The following FGF14 variants were observed in gnomAD, a reference collection of about 807,000 sequenced individuals.
The protein encoded by FGF14 is fibroblast growth factor 14, also known as fibroblast growth factor homologous factor 4.
FGF14 carries 5 observed loss-of-function variants against 25.5 expected under a neutral mutation model. The ratio of observed to expected loss-of-function variants is 0.20; its 90% CI spans 0.10 to 0.41. FGF14 has a LOEUF of 0.41. Among genes scored for constraint, FGF14 ranks in the 10% least tolerant of loss-of-function variants. The pLI is 1.00. For missense variants in FGF14, 222 were observed against 320.1 expected (o/e 0.69, Z 2.34); for synonymous variants, 138 against 118.3 (o/e 1.17, Z -1.08).
chr13:101,736,834 C>T (rs1226121012), intron 3 of FGF14, among the ~76,000 whole-genome samples: 1 of 151,580 alleles, frequency 6.6e-6, no homozygotes, highest in Non-Finnish European at 1.5e-5. Flanking sequence ...CTAATGCCAA[C>T]CTGAGTCTAC....
intron 1 of FGF14, among the ~76,000 whole-genome samples, chr13:101,950,681 TCAG>T (rs911355279): frequency 3.3e-5 from 5 of 151,864 alleles, no homozygotes; most frequent in Admixed American, 3.3e-4. Flanking sequence ...GCCTTTGCTC[TCAG>T]CAGGTTTTGC....
At chr13:101,742,364 A>T (rs1189226712) in intron 3 of FGF14, among the ~76,000 whole-genome samples, 1 of 152,214 alleles carries the variant, frequency 6.6e-6, no homozygotes, top group East Asian at 1.9e-4. Context: ...TCAAGAATGA[A>T]TGAACAAGAA....
intron 3 of FGF14, among the ~76,000 whole-genome samples, chr13:101,821,141 G>A (rs1286927364): frequency 1.3e-5 from 2 of 151,898 alleles, no homozygotes; most frequent in Non-Finnish European, 2.9e-5. Flanking sequence ...GTAGAGACAG[G>A]GTTTCACCGT....
chr13:101,952,689 G>A lies in FGF14; in HGVS notation c.209-77393C>T, dbSNP rs1430308793. ...CTGGCACCAAAATAAACTTCATCTG[G>A]ACTATTCCTAAACCACTTCTGATGA... On this transcript the variant is annotated intron_variant, in intron 1 of 4. Transcript: ENST00000376131. Among the ~76,000 whole-genome samples, 4 of 152,150 alleles carry A rather than the reference G, an allele frequency of 2.6e-5. No homozygotes were observed. The East Asian group carries it at 7.7e-4, about 29-fold the overall frequency.
rs145714821 is a variant in FGF14, at chr13:101,868,965, T to C, written c.305-137A>G. The C allele has an allele frequency of 3.2e-5, 22 of 685,784 alleles. No individual in the cohort carries two copies. The East Asian group carries it at 5.6e-4, about 17-fold the overall frequency. The allele number at this position is 685,784 out of a possible 1,614,324, so 42.5% of individuals were successfully genotyped here. On this transcript the variant is annotated intron_variant, in intron 2 of 4. Transcript: ENST00000376143. ...CTAGAAATTCCAATTAAATAACTTA[T>C]ATTTTGCTTTATAAGTAAGAAGTTT...
intron 3 of FGF14, among the ~76,000 whole-genome samples, chr13:101,813,819 G>T (rs370105635): frequency 1.1e-4 from 17 of 152,204 alleles, no homozygotes; most frequent in African/African-American, 4.1e-4. Context: ...AGAACACTCT[G>T]TTCGCAGAGA....
intron 1 of FGF14, among the ~76,000 whole-genome samples, chr13:101,911,542 C>T (rs974223627): frequency 6.6e-5 from 10 of 152,208 alleles, no homozygotes; most frequent in African/African-American, 1.9e-4. Flanking sequence ...CAAATATGGA[C>T]TGTGAAATCA....
At position 102,265,211 on chromosome 13, in the gene FGF14, T is replaced by C. The variant is rs566325722; in HGVS notation, c.208+136260A>G. Among the ~76,000 whole-genome samples, 3 of 152,208 alleles carry C rather than the reference T, an allele frequency of 2.0e-5. No homozygotes were observed. In the South Asian group the frequency reaches 6.2e-4, roughly 32 times the overall value. On this transcript the variant is annotated intron_variant, in intron 1 of 4. Coordinates refer to the FGF14 transcript ENST00000376131. ...GTCTCCACTACCCTTTATTTCTCCA[T>C]TATGTTTTTGTGTAAGTAAATTTTG...
At chr13:101,735,221 C>CTTGTGAA (rs1404602048) in intron 3 of FGF14, among the ~76,000 whole-genome samples, 5 of 152,168 alleles carry the variant, frequency 3.3e-5, no homozygotes, top group Admixed American at 3.3e-4. Context: ...AAGCAATATG[C>CTTGTGAA]ATACGCTTAT....
chr13:102,320,399 G>C (rs1331413372), intron 1 of FGF14, among the ~76,000 whole-genome samples: 1 of 152,088 alleles, frequency 6.6e-6, no homozygotes, highest in Non-Finnish European at 1.5e-5. Flanking sequence ...AAACACTTCT[G>C]GGCACCTCCC....
chr13:102,095,332 C>T (rs1022208181), intron 1 of FGF14, among the ~76,000 whole-genome samples: 2 of 152,116 alleles, frequency 1.3e-5, no homozygotes, highest in Admixed American at 6.5e-5. Flanking sequence ...CTTCTGAATC[C>T]GTGCCAGACA....
At chr13:102,344,982 A>T (rs1263274248) in intron 1 of FGF14, among the ~76,000 whole-genome samples, 1 of 152,208 alleles carries the variant, frequency 6.6e-6, no homozygotes, top group African/African-American at 2.4e-5. Context: ...CTTCTAGAAC[A>T]TGAGGCTGGC....
chr13:101,928,030 A>C (rs1040529946), intron 1 of FGF14, among the ~76,000 whole-genome samples: 3 of 152,192 alleles, frequency 2.0e-5, no homozygotes, highest in Non-Finnish European at 2.9e-5. Flanking sequence ...TATCTAAAAA[A>C]AATAGTCCCT....
At chr13:102,172,677 C>A (rs928285582) in intron 1 of FGF14, among the ~76,000 whole-genome samples, 1 of 152,156 alleles carries the variant, frequency 6.6e-6, no homozygotes, top group Non-Finnish European at 1.5e-5. Flanking sequence ...TCTCTTCATA[C>A]CTCGTTCAAA....
intron 1 of FGF14, among the ~76,000 whole-genome samples, chr13:101,951,300 C>A (rs767997781): frequency 1.2e-4 from 19 of 152,016 alleles, no homozygotes; most frequent in Admixed American, 1.2e-3. Flanking sequence ...ATTAGCAATA[C>A]GGGCACAAGT....
rs577757440 is a variant in FGF14, at chr13:101,909,599, A to C, written c.193+6854T>G. Among the ~76,000 whole-genome samples, 549 of 152,232 alleles carry C rather than the reference A, an allele frequency of 3.6e-3. 1 individual carries two copies. The highest frequency in any genetic ancestry group is 6.1e-3 in the Non-Finnish European group (413 of 67,974). On this transcript the variant is annotated intron_variant, in intron 1 of 4. Transcript: ENST00000376143. ...TTAAAAAGTCAGGAAACAACAGGTGATAGAGAGGATGTGGAGAAATAGGAA... is the reference window on the plus strand; with the variant it reads ...TTAAAAAGTCAGGAAACAACAGGTGCTAGAGAGGATGTGGAGAAATAGGAA...
intron 3 of FGF14, among the ~76,000 whole-genome samples, chr13:101,767,169 G>A (rs1056837525): frequency 1.3e-5 from 2 of 152,022 alleles, no homozygotes; most frequent in Non-Finnish European, 2.9e-5. Flanking sequence ...TTCTAGCCAC[G>A]TATGTGATGA....
At chr13:102,133,530 T>A (rs2046288684) in intron 1 of FGF14, among the ~76,000 whole-genome samples, 1 of 152,242 alleles carries the variant, frequency 6.6e-6, no homozygotes, top group African/African-American at 2.4e-5. Flanking sequence ...GCATAATATG[T>A]AAAGTAAGAG....
chr13:102,208,502 T>C (rs745692459), intron 1 of FGF14, among the ~76,000 whole-genome samples: 2 of 152,190 alleles, frequency 1.3e-5, no homozygotes, highest in African/African-American at 4.8e-5. Flanking sequence ...ACACAACAGA[T>C]AGAAATTGCA....
Sources: allele counts gnomAD v4.1 joint callset (sites outside exome capture counted in the v4.1 genomes callset), GRCh38; gene constraint gnomAD v4.1.1; transcripts MANE v1.5; gene names NCBI Gene and HGNC (gene_info 2026-07-23, HGNC 2026-07-21).